The following NBAS variants were observed in gnomAD, a reference collection of about 807,000 sequenced individuals.
NBAS encodes NAG/BC035112 fusion.
A neutral mutation model predicts 302.5 loss-of-function variants in NBAS; 219 were observed. The ratio of observed to expected loss-of-function variants is 0.72; its 90% CI spans 0.65 to 0.81. NBAS has a LOEUF of 0.81. NBAS is among the 30% of genes least tolerant of loss of function. The probability of loss-of-function intolerance (pLI) is 0.00; values close to 1 mark genes in which losing one functional copy is unlikely to be tolerated. For missense variants in NBAS, 2,932 were observed against 2,841.6 expected (o/e 1.03, Z -0.72); for synonymous variants, 1,118 against 1,021.6 (o/e 1.09, Z -1.80).
chr2:14,813,601 T>C, the NBAS span, among the ~76,000 whole-genome samples: 13 of 152,254 alleles, frequency 8.5e-5, no homozygotes, highest in South Asian at 1.7e-3. Context: ...TATTCTCACA[T>C]GCATGAACAA....
At chr2:15,275,006 C>G (rs1669505514) in intron 44 of NBAS, among the ~76,000 whole-genome samples, 1 of 151,230 alleles carries the variant, frequency 6.6e-6, no homozygotes, top group African/African-American at 2.4e-5. Flanking sequence ...TGGTCTCAAA[C>G]TCCTGATCTC....
intron 11 of NBAS, among the ~76,000 whole-genome samples, chr2:15,497,419 C>G (rs1681111212): frequency 6.6e-6 from 1 of 152,068 alleles, no homozygotes; most frequent in African/African-American, 2.4e-5. Context: ...GAAGATGATA[C>G]TGGTAGCAAA....
chr2:15,439,828 T>TA (rs1428024855), intron 21 of NBAS, among the ~76,000 whole-genome samples: 1 of 152,100 alleles, frequency 6.6e-6, no homozygotes, highest in Non-Finnish European at 1.5e-5. Flanking sequence ...CCAACAGGCT[T>TA]AAAAAATGGT....
chr2:15,535,944 T>C (rs1261979519), intron 8 of NBAS, among the ~76,000 whole-genome samples: 1 of 152,192 alleles, frequency 6.6e-6, no homozygotes, highest in Non-Finnish European at 1.5e-5. Flanking sequence ...GGAAGGGGCA[T>C]GAGGGAACTT....
At chr2:14,856,318 A>C in the NBAS span, among the ~76,000 whole-genome samples, 4 of 152,214 alleles carry the variant, frequency 2.6e-5, no homozygotes. Flanking sequence ...AGCCTTCCTA[A>C]GAAGAATGGC....
the NBAS span, among the ~76,000 whole-genome samples, chr2:15,049,131 G>A: frequency 6.6e-6 from 1 of 152,184 alleles, no homozygotes; most frequent in African/African-American, 2.4e-5. Flanking sequence ...TCCAAACCTG[G>A]GGTGATGCCT....
In NBAS at chr2:15,474,475, C is replaced by A; in HGVS notation, c.1342-151G>T. On this transcript the variant is annotated intron_variant, in intron 14 of 51. Transcript: ENST00000281513. ...GATTAACAATGGAACTCAAAGGAAC[C>A]TTACAGCAAGCATTATATACATCAG... 10 of 798,006 alleles carry A rather than the reference C, an allele frequency of 1.3e-5. No individual in the cohort carries two copies. The South Asian group carries it at 1.9e-4, about 15-fold the overall frequency. The allele number at this position is 798,006 out of a possible 1,614,324, so 49.4% of individuals were successfully genotyped here.
Position 15,542,620 on chromosome 2 carries a change from T to G in NBAS, c.380-3264A>C, listed in dbSNP as rs1663902858. The stretch of plus-strand genomic sequence containing the variant: ...CTCTGCGAGAAACACCCAAGAATGA[T>G]CAATAAAAAAATAAATAAATAAATA... On this transcript the variant is annotated intron_variant, in intron 6 of 51. Transcript: ENST00000281513. Among the ~76,000 whole-genome samples the G allele has an allele frequency of 1.4e-5, 2 of 141,942 alleles. 1 individual carries two copies. The highest frequency in any genetic ancestry group is 4.4e-4 in the South Asian group (2 of 4,504). The allele number at this position is 141,942 out of a possible 152,430, so 93.1% of individuals were successfully genotyped here. A position where few individuals can be genotyped will look rare whatever the true frequency, so the allele number is the denominator to read the frequency against.
At chr2:15,192,217 C>A in intron 48 of NBAS, among the ~76,000 whole-genome samples, 1 of 150,728 alleles carries the variant, frequency 6.6e-6, no homozygotes, top group East Asian at 2.0e-4. Context: ...AATGTTAGCT[C>A]CTTGAAAGAA....
At position 15,427,149 on chromosome 2, in the gene NBAS, CA is replaced by C. The variant is rs1312109283; in HGVS notation, c.2423+561del. On this transcript the variant is annotated intron_variant, in intron 22 of 51. Transcript: ENST00000281513. Reference sequence around the variant, plus strand: ...AGGCCCTTTGCCTCAATGCATGAGTCAAAAAAAGCACAAACCTCTTGTCTCA... The same window carrying C: ...AGGCCCTTTGCCTCAATGCATGAGTCAAAAAAGCACAAACCTCTTGTCTCA... Among the ~76,000 whole-genome samples, 5 of 151,664 alleles carry C rather than the reference CA, an allele frequency of 3.3e-5. No individual in the cohort carries two copies. In the South Asian group the frequency reaches 1.0e-3, roughly 32 times the overall value.
chr2:15,147,479 G>A, the NBAS span, among the ~76,000 whole-genome samples: 1 of 152,066 alleles, frequency 6.6e-6, no homozygotes, highest in South Asian at 2.1e-4. Context: ...TGTAATCCCA[G>A]CTACTCGGGA....
At chr2:14,941,552 G>A in the NBAS span, among the ~76,000 whole-genome samples, 1 of 152,216 alleles carries the variant, frequency 6.6e-6, no homozygotes, top group Non-Finnish European at 1.5e-5. Context: ...GAGGAAGGCA[G>A]AGCAGATGGA....
At chr2:14,794,687 C>T in the NBAS span, among the ~76,000 whole-genome samples, 1 of 152,120 alleles carries the variant, frequency 6.6e-6, no homozygotes, top group East Asian at 1.9e-4. Flanking sequence ...CCAATTCCTG[C>T]AATCAAGATG....
At chr2:15,017,965 A>G in the NBAS span, among the ~76,000 whole-genome samples, 1 of 152,132 alleles carries the variant, frequency 6.6e-6, no homozygotes, top group Non-Finnish European at 1.5e-5. Flanking sequence ...TAGCCATTAA[A>G]AAGAATGAAA....
chr2:15,099,516 AT>A, the NBAS span, among the ~76,000 whole-genome samples: 1 of 152,124 alleles, frequency 6.6e-6, no homozygotes, highest in Non-Finnish European at 1.5e-5. Context: ...GAGATGGGAT[AT>A]AGTCAATCCT....
Position 15,282,020 on chromosome 2 carries a change from G to T in NBAS, c.5139-4919C>A, listed in dbSNP as rs144887914. The stretch of plus-strand genomic sequence containing the variant: ...AATAATCTGTTCCCCTAGACCAAAA[G>T]AAAGAGCAAAACCAAATTTAGGGCT... On this transcript the variant is annotated intron_variant, in intron 42 of 51. Transcript: ENST00000281513. Among the ~76,000 whole-genome samples, 455 of 152,256 alleles carry T rather than the reference G, an allele frequency of 3.0e-3. 3 individuals are homozygous for T. The highest frequency in any genetic ancestry group is 0.011 in the African/African-American group (441 of 41,552).
Position 15,534,636 on chromosome 2 carries a change from C to A in NBAS, c.653G>T (p.Gly218Val). The change falls in exon 9 of 52, where the codon GGA (glycine) becomes GTA (valine). Residue 218 changes from glycine to valine, a missense_variant. By Grantham distance (109) the Gly-to-Val change is moderately radical. Coordinates refer to ENST00000281513, the MANE Select transcript of NBAS (RefSeq NM_015909.4). ...ACTTTCTTGGTAGCTCTGATTTGTT[C>A]CAACACTAAATTTAAGAGGGTATGA... is the stretch of plus-strand genomic sequence containing the variant. ...GELRSYLVSV[G>V]TNQSYQESHC... 1.2e-6 allele frequency: 2 copies of A among 1,611,404 alleles called. No homozygotes were observed. The highest frequency in any genetic ancestry group is 2.2e-5 in the South Asian group (2 of 91,000).
chr2:15,015,038 T>C, the NBAS span, among the ~76,000 whole-genome samples: 2 of 150,944 alleles, frequency 1.3e-5, no homozygotes, highest in Non-Finnish European at 1.5e-5. Flanking sequence ...CTAGAGCAAA[T>C]GAATAAATTT....
the NBAS span, among the ~76,000 whole-genome samples, chr2:14,854,092 A>T: frequency 7.4e-3 from 1,108 of 150,348 alleles, 14 homozygotes; most frequent in African/African-American, 0.026. Flanking sequence ...TAATAATAAT[A>T]AAAAAAAGAA....
Sources: allele counts gnomAD v4.1 joint callset (sites outside exome capture counted in the v4.1 genomes callset), GRCh38; gene constraint gnomAD v4.1.1; transcripts MANE v1.5; gene names NCBI Gene and HGNC (gene_info 2026-07-23, HGNC 2026-07-21).